DOCK1: variants seen among roughly 807,000 people sequenced by gnomAD.
DOCK1 encodes dedicator of cytokinesis 1.
Under a neutral mutation model 262.7 loss-of-function variants are expected in DOCK1, and 138 were observed. The observed-to-expected ratio is 0.53, with a 90% CI of 0.46 to 0.61. DOCK1 has a LOEUF of 0.61. DOCK1 is among the 20% of genes least tolerant of loss of function. The pLI is 0.00. For missense variants in DOCK1, 1,908 were observed against 2,370.7 expected (o/e 0.80, Z 4.05); for synonymous variants, 866 against 867.4 (o/e 1.00, Z 0.03).
chr10:126,929,179 G>C (rs1224690943), intron 1 of DOCK1, among the ~76,000 whole-genome samples: 5 of 152,198 alleles, frequency 3.3e-5, no homozygotes, highest in Non-Finnish European at 7.3e-5. Context: ...TGGAATCCCA[G>C]AGGGTTAAGA....
chr10:127,362,119 A>T lies in DOCK1; in HGVS notation c.3339A>T (p.Thr1113=). Residue 1113 remains threonine (T), a synonymous_variant, in exon 33 of 52, where the codon ACA becomes ACT. Transcript: ENST00000623213. ...TGGTGGGCCCAATATTAGAAATGAC[A>T]TTAATTCCCGAGACGGAGCTGCGCA... is the stretch of plus-strand genomic sequence containing the variant. ...PEMVGPILEM[T]LIPETELRKA... 6.2e-7 allele frequency: 1 copy of T among 1,613,844 alleles called. No homozygotes were observed. Among genetic ancestry groups the T allele is most frequent in the East Asian group, 2.2e-5 (1 of 44,878 alleles).
chr10:127,026,860 T>C (rs1210511511), intron 16 of DOCK1, among the ~76,000 whole-genome samples: 1 of 152,238 alleles, frequency 6.6e-6, no homozygotes, highest in Non-Finnish European at 1.5e-5. Flanking sequence ...TAGACATTTT[T>C]GTGAATACTG....
Position 127,003,187 on chromosome 10 carries a change from T to C in DOCK1, c.985+2880T>C, listed in dbSNP as rs943096832. 8.6e-5 allele frequency among the ~76,000 whole-genome samples: 13 copies of C among 150,810 alleles called. No individual in the cohort carries two copies. In the South Asian group the frequency reaches 2.3e-3, roughly 27 times the overall value. ...GAACCTGTGTGAACCTCTAAGAACA[T>C]GTGTGAACCTGCATGAACCTGCGTG... is the stretch of plus-strand genomic sequence containing the variant. On this transcript the variant is annotated intron_variant, in intron 10 of 51. Transcript: ENST00000623213.
At chr10:127,093,422 G>A (rs896014334) in intron 23 of DOCK1, among the ~76,000 whole-genome samples, 11 of 150,988 alleles carry the variant, frequency 7.3e-5, no homozygotes, top group Admixed American at 1.3e-4. Flanking sequence ...CATGATCTCA[G>A]CTTACTGCAA....
At chr10:127,091,091 C>T (rs2047500475) in intron 23 of DOCK1, among the ~76,000 whole-genome samples, 1 of 151,558 alleles carries the variant, frequency 6.6e-6, no homozygotes, top group African/African-American at 2.4e-5. Context: ...ACACCATTCT[C>T]CTGCCTCAGC....
intron 21 of DOCK1, among the ~76,000 whole-genome samples, chr10:127,049,341 T>C (rs1302668812): frequency 6.6e-6 from 1 of 152,000 alleles, no homozygotes; most frequent in Non-Finnish European, 1.5e-5. Context: ...ACCAACATGG[T>C]GAAACCCCAT....
chr10:127,103,208 G>A (rs1446835065), intron 23 of DOCK1, among the ~76,000 whole-genome samples: 1 of 152,190 alleles, frequency 6.6e-6, no homozygotes, highest in Non-Finnish European at 1.5e-5. Flanking sequence ...CTAGTGTTTG[G>A]AGATTACAAA....
At chr10:127,101,882 T>G (rs1026429403) in intron 23 of DOCK1, among the ~76,000 whole-genome samples, 5 of 152,238 alleles carry the variant, frequency 3.3e-5, no homozygotes, top group Non-Finnish European at 7.3e-5. Flanking sequence ...ACCGGGAGAC[T>G]GAGCAATCAG....
chr10:127,304,966 C>A (rs991700472), intron 29 of DOCK1, among the ~76,000 whole-genome samples: 3 of 152,098 alleles, frequency 2.0e-5, no homozygotes, highest in African/African-American at 7.2e-5. Flanking sequence ...GTTTTGCTTA[C>A]CTTTTATGTA....
At chr10:126,942,102 G>A (rs2035056551) in intron 1 of DOCK1, among the ~76,000 whole-genome samples, 2 of 151,932 alleles carry the variant, frequency 1.3e-5, no homozygotes, top group Admixed American at 1.3e-4. Flanking sequence ...TCGGCTCACT[G>A]CAAGCTCTGC....
chr10:127,013,801 G>A (rs536294295), intron 12 of DOCK1: 1 of 152,388 alleles, frequency 6.6e-6, no homozygotes, highest in East Asian at 1.9e-4. Flanking sequence ...AACATGACTA[G>A]TGCTTGTTTT....
At chr10:127,425,797 C>T (rs1296666990) in intron 46 of DOCK1, 77 bp from the exon 47 acceptor site, 2 of 1,572,216 alleles carry the variant, frequency 1.3e-6, no homozygotes, top group Non-Finnish European at 1.7e-6. Flanking sequence ...TTGCCAGTTC[C>T]CCTTTCCCCA....
intron 27 of DOCK1, among the ~76,000 whole-genome samples, chr10:127,168,479 C>G (rs1156866323): frequency 6.6e-6 from 1 of 152,176 alleles, no homozygotes; most frequent in Non-Finnish European, 1.5e-5. Context: ...TGCATCTGGC[C>G]AGAGCCAGGG....
chr10:127,321,195 C>T (rs1007936426), intron 29 of DOCK1, among the ~76,000 whole-genome samples: 15 of 150,260 alleles, frequency 1.0e-4, no homozygotes, highest in Admixed American at 4.6e-4. Context: ...CTCTCCCTCT[C>T]GCTCTATCTC....
chr10:127,083,589 T>C (rs1006152189), intron 23 of DOCK1, among the ~76,000 whole-genome samples: 4 of 152,260 alleles, frequency 2.6e-5, no homozygotes, highest in Non-Finnish European at 5.9e-5. Flanking sequence ...GAATTCTTTA[T>C]AATGGATGTG....
Position 127,404,401 on chromosome 10 carries a change from A to G in DOCK1, c.4094A>G (p.Tyr1365Cys), listed in dbSNP as rs1171489658. The stretch of plus-strand genomic sequence containing the variant: ...CCTGACTATTTTGCTGTTGGCTACT[A>G]CGGACAAGGGTTCCCCACATTCCTG... ...PKPDYFAVGY[Y>C]GQGFPTFLRG... The change falls in exon 40 of 52, where the codon TAC (tyrosine) becomes TGC (cysteine). Residue 1365 changes from tyrosine to cysteine, a missense_variant. This residue lies in a region of DOCK1 where 267 missense variants were observed against 366.3 expected (regional missense o/e 0.73). Coordinates refer to ENST00000623213, the MANE Select transcript of DOCK1 (RefSeq NM_001290223.2). 1.9e-6 allele frequency: 3 copies of G among 1,613,830 alleles called. No individual in the cohort carries two copies. Among genetic ancestry groups the G allele is most frequent in the Admixed American group, 3.3e-5 (2 of 60,008 alleles).
chr10:127,008,642 C>T, intron 10 of DOCK1, 90 bp from the exon 11 acceptor site: 1 of 1,109,974 alleles, frequency 9.0e-7, no homozygotes. Flanking sequence ...TGTTGTTTGC[C>T]AGAAGATATT....
intron 26 of DOCK1, 106 bp downstream of exon 26, chr10:127,125,707 T>A: frequency 1.4e-6 from 2 of 1,456,050 alleles, no homozygotes; most frequent in Non-Finnish European, 1.8e-6. Flanking sequence ...GATTTTAAGG[T>A]CTAGCCTCTC....
At chr10:126,927,974 G>A (rs1012120173) in intron 1 of DOCK1, among the ~76,000 whole-genome samples, 19 of 152,112 alleles carry the variant, frequency 1.2e-4, no homozygotes, top group Non-Finnish European at 2.2e-4. Context: ...ACCTACCCAG[G>A]TGCCACCTGG....
Sources: allele counts gnomAD v4.1 joint callset (sites outside exome capture counted in the v4.1 genomes callset), GRCh38; gene constraint gnomAD v4.1.1; regional missense constraint gnomAD v4.1.1; transcripts MANE v1.5; gene names NCBI Gene and HGNC (gene_info 2026-07-23, HGNC 2026-07-21).